ACVR1C: variants seen among roughly 807,000 people sequenced by gnomAD.
ACVR1C encodes activin A receptor type 1C.
In ACVR1C, 23 loss-of-function variants were observed where a neutral mutation model predicts 57.9. The observed-to-expected ratio is 0.40, with a 90% CI of 0.29 to 0.56. ACVR1C has a LOEUF of 0.56. Among genes scored for constraint, ACVR1C ranks in the 20% least tolerant of loss-of-function variants. The pLI is 0.50. For synonymous variants in ACVR1C, 214 were observed against 215.3 expected, an observed-to-expected ratio of 0.99 and a Z score of 0.05; for missense variants, 480 against 607.9, an observed-to-expected ratio of 0.79 and a Z score of 2.21.
intron 3 of ACVR1C, among the ~76,000 whole-genome samples, chr2:157,555,486 C>G (rs186377633): frequency 2.0e-5 from 3 of 152,184 alleles, no homozygotes; most frequent in Non-Finnish European, 4.4e-5. Flanking sequence ...TGTATGTAAC[C>G]ACAGCCAGCA....
intron 2 of ACVR1C, among the ~76,000 whole-genome samples, chr2:157,584,011 C>G (rs1487079284): frequency 6.6e-6 from 1 of 151,928 alleles, no homozygotes; most frequent in East Asian, 1.9e-4. Flanking sequence ...AAAGATAAAT[C>G]AGACTTCATC....
intron 1 of ACVR1C, among the ~76,000 whole-genome samples, chr2:157,612,281 GCTA>G (rs1682552373): frequency 6.6e-6 from 1 of 152,160 alleles, no homozygotes; most frequent in South Asian, 2.1e-4. Flanking sequence ...CAAAACAGAG[GCTA>G]CATTGAGAGT....
chr2:157,607,967 C>T (rs543569906), intron 1 of ACVR1C, among the ~76,000 whole-genome samples: 146 of 151,716 alleles, frequency 9.6e-4, no homozygotes, highest in African/African-American at 3.4e-3. Context: ...AATTTGAATG[C>T]CTTTTATTTC....
rs17180418 is a variant in ACVR1C at position 157,597,526 on chromosome 2, G to A, written c.74-10109C>T. On this transcript the variant is annotated intron_variant, in intron 1 of 8. Transcript: ENST00000243349. ...GAATTCGGCCCCGACGACAGCTCCCGCGGGGCTCGGCCACCTGCCCGACGG... is the reference window on the plus strand; with the variant it reads ...GAATTCGGCCCCGACGACAGCTCCCACGGGGCTCGGCCACCTGCCCGACGG... 3,861 of 985,432 alleles carry A rather than the reference G, an allele frequency of 3.9e-3. 10 individuals are homozygous for A. Among genetic ancestry groups the A allele is most frequent in the Non-Finnish European group, 4.4e-3 (3,630 of 829,938 alleles). 61.0% of individuals were successfully genotyped at this position (985,432 alleles called of 1,614,324 possible).
chr2:157,551,707 T>C lies in ACVR1C; in HGVS notation c.545-1315A>G, dbSNP rs540830596. 3.3e-5 allele frequency among the ~76,000 whole-genome samples: 5 copies of C among 152,342 alleles called. No homozygotes were observed. The South Asian group carries it at 1.0e-3, about 32-fold the overall frequency. ...AAAAATAGTTAAAGAGGTTACAGTC[T>C]ACATTTATTCTGAAAAGTCACATTT... On this transcript the variant is annotated intron_variant, in intron 3 of 8. Transcript: ENST00000243349.
At chr2:157,540,215 C>T (rs1322237685) in intron 7 of ACVR1C, among the ~76,000 whole-genome samples, 3 of 152,186 alleles carry the variant, frequency 2.0e-5, no homozygotes, top group African/African-American at 4.8e-5. Flanking sequence ...GCTAAACCAA[C>T]GCTTAGTCCT....
intron 1 of ACVR1C, among the ~76,000 whole-genome samples, chr2:157,625,538 C>T (rs1415453800): frequency 6.8e-6 from 1 of 146,130 alleles, no homozygotes; most frequent in African/African-American, 2.6e-5. Context: ...CTTTCACTTC[C>T]AGCAACACTG....
At chr2:157,538,475 T>C in intron 8 of ACVR1C, 98 bp downstream of exon 8, 2 of 1,162,576 alleles carry the variant, frequency 1.7e-6, no homozygotes, top group Non-Finnish European at 2.3e-6. Flanking sequence ...TCTACATATA[T>C]GGAATGAATT....
chr2:157,607,210 T>A (rs1387008076), intron 1 of ACVR1C, among the ~76,000 whole-genome samples: 2 of 151,906 alleles, frequency 1.3e-5, no homozygotes, highest in Admixed American at 1.3e-4. Flanking sequence ...GCTTGGTCAC[T>A]ATAGCCTTCC....
intron 2 of ACVR1C, among the ~76,000 whole-genome samples, chr2:157,562,772 C>T (rs1255020150): frequency 1.3e-5 from 2 of 152,116 alleles, no homozygotes; most frequent in African/African-American, 4.8e-5. Context: ...TTAACCATCA[C>T]GATCAAGTCG....
chr2:157,578,399 G>A (rs1688713633), intron 2 of ACVR1C, among the ~76,000 whole-genome samples: 1 of 152,042 alleles, frequency 6.6e-6, no homozygotes, highest in African/African-American at 2.4e-5. Context: ...TAACTCCGTT[G>A]GCCCCTCTCC....
intron 3 of ACVR1C, among the ~76,000 whole-genome samples, chr2:157,554,282 AG>A (rs1558975215): frequency 0.011 from 1,329 of 123,580 alleles, 83 homozygotes; most frequent in African/African-American, 0.045. Context: ...GAAGGAAGGA[AG>A]AGAGAGAGAG....
chr2:157,566,367 C>T (rs1435868945), intron 2 of ACVR1C, among the ~76,000 whole-genome samples: 1 of 152,180 alleles, frequency 6.6e-6, no homozygotes, highest in Non-Finnish European at 1.5e-5. Context: ...GCCAAGATGG[C>T]CGAATAGGAA....
At chr2:157,560,522 G>A (rs1688209810) in intron 2 of ACVR1C, among the ~76,000 whole-genome samples, 1 of 152,182 alleles carries the variant, frequency 6.6e-6, no homozygotes, top group African/African-American at 2.4e-5. Flanking sequence ...GCTTAACTTT[G>A]AAACTTTCAT....
intron 1 of ACVR1C, among the ~76,000 whole-genome samples, chr2:157,621,959 G>T (rs759086296): frequency 6.6e-6 from 1 of 152,096 alleles, no homozygotes; most frequent in Non-Finnish European, 1.5e-5. Context: ...ATAAGAAAAA[G>T]TTACTTTGCC....
chr2:157,544,035 CTTTTTTT>C, intron 5 of ACVR1C, among the ~76,000 whole-genome samples: 1 of 124,388 alleles, frequency 8.0e-6, no homozygotes, highest in African/African-American at 3.1e-5. Context: ...TGTTTCTTTA[CTTTTTTT>C]TTTTTTTTTT....
At position 157,540,182 on chromosome 2, in the gene ACVR1C, T is replaced by C. The variant is rs949933083; in HGVS notation, c.1225+908A>G. Among the ~76,000 whole-genome samples, 12 of 152,328 alleles carry C rather than the reference T, an allele frequency of 7.9e-5. No homozygotes were observed. In the East Asian group the frequency reaches 1.5e-3, roughly 20 times the overall value. On this transcript the variant is annotated intron_variant, in intron 7 of 8. Coordinates refer to ENST00000243349, the MANE Select transcript of ACVR1C (RefSeq NM_145259.3). ...GAAAATTACAACTAAGTAACTTGCC[T>C]GAAATCAGACATTCAAGGAATTGCT...
At chr2:157,537,575 A>G (rs1417182750) in intron 8 of ACVR1C, among the ~76,000 whole-genome samples, 2 of 152,104 alleles carry the variant, frequency 1.3e-5, no homozygotes, top group Non-Finnish European at 1.5e-5. Flanking sequence ...GGGTTGAGAA[A>G]CATGAAGGAA....
intron 2 of ACVR1C, among the ~76,000 whole-genome samples, chr2:157,568,084 A>C (rs1329368713): frequency 1.5e-3 from 229 of 151,028 alleles, no homozygotes; most frequent in African/African-American, 5.3e-3. Flanking sequence ...AGAATTTTCA[A>C]CCCAGAATTT....
Sources: allele counts gnomAD v4.1 joint callset (sites outside exome capture counted in the v4.1 genomes callset), GRCh38; gene constraint gnomAD v4.1.1; transcripts MANE v1.5; gene names NCBI Gene and HGNC (gene_info 2026-07-23, HGNC 2026-07-21).